The following DCAF1 variants were observed in gnomAD, a reference collection of about 807,000 sequenced individuals.
The protein encoded by DCAF1 is DDB1 and CUL4 associated factor 1.
In DCAF1, 15 loss-of-function variants were observed where a neutral mutation model predicts 128.0. The ratio of observed to expected loss-of-function variants is 0.12; its 90% confidence interval spans 0.08 to 0.18. The LOEUF (loss-of-function observed/expected upper bound fraction) is 0.18, where lower values mean the gene tolerates loss of function less well. DCAF1 is among the 10% of genes least tolerant of loss of function. DCAF1 has a pLI of 1.00. For synonymous variants in DCAF1, 610 were observed against 603.0 expected (o/e 1.01, Z -0.17); for missense variants, 988 against 1,649.5 (o/e 0.60, Z 6.95).
chr3:51,453,823 C>T (rs1442102601), intron 6 of DCAF1, among the ~76,000 whole-genome samples: 4 of 151,822 alleles, frequency 2.6e-5, no homozygotes, highest in African/African-American at 7.3e-5. Context: ...CGTGGTGGCA[C>T]GCACCTGTAA....
chr3:51,416,738 G>T, intron 18 of DCAF1, 49 bp downstream of exon 18: 2 of 1,567,606 alleles, frequency 1.3e-6, no homozygotes, highest in South Asian at 2.3e-5. Flanking sequence ...ATTTCAGTAT[G>T]AACAAATGGG....
intron 17 of DCAF1, 99 bp downstream of exon 17, chr3:51,418,017 T>A: frequency 6.9e-7 from 1 of 1,451,616 alleles, no homozygotes; most frequent in South Asian, 1.4e-5. Context: ...ACCGACAGCA[T>A]CCTCTTTCCC....
At chr3:51,399,865 A>G (rs4687731) in intron 24 of DCAF1, among the ~76,000 whole-genome samples, 10,325 of 152,172 alleles carry the variant, frequency 0.068, 916 homozygotes, top group East Asian at 0.33. Flanking sequence ...CAAATGCCCC[A>G]TGTGGTAAGG....
chr3:51,474,231 C>A (rs1029533114), intron 3 of DCAF1, among the ~76,000 whole-genome samples: 8 of 152,004 alleles, frequency 5.3e-5, no homozygotes, highest in Non-Finnish European at 1.2e-4. Flanking sequence ...TCAGCCTGAC[C>A]AACATGGAGA....
intron 2 of DCAF1, among the ~76,000 whole-genome samples, chr3:51,484,677 T>TTTTTC (rs1553654456): frequency 2.0e-5 from 3 of 148,610 alleles, no homozygotes; most frequent in African/African-American, 7.4e-5. Context: ...CCTGTTTAAT[T>TTTTTC]TTTTCTTTTT....
At chr3:51,439,773 C>G (rs1202581473) in intron 9 of DCAF1, among the ~76,000 whole-genome samples, 2 of 152,108 alleles carry the variant, frequency 1.3e-5, no homozygotes, top group African/African-American at 4.8e-5. Context: ...GAGTGGTTCA[C>G]TTGAGGTCAG....
intron 6 of DCAF1, 98 bp from the exon 7 acceptor site, chr3:51,444,001 T>G (rs1392825416): frequency 1.7e-6 from 2 of 1,202,658 alleles, no homozygotes; most frequent in Non-Finnish European, 2.3e-6. Flanking sequence ...AATTTTAATA[T>G]TTCAATGTTC....
At chr3:51,457,743 A>G (rs1703079217) in intron 6 of DCAF1, among the ~76,000 whole-genome samples, 1 of 152,220 alleles carries the variant, frequency 6.6e-6, no homozygotes, top group Non-Finnish European at 1.5e-5. Flanking sequence ...GCCAGAAGAG[A>G]GTGGGAACCA....
intron 2 of DCAF1, among the ~76,000 whole-genome samples, chr3:51,488,837 C>T (rs868961307): frequency 4.6e-5 from 7 of 151,632 alleles, no homozygotes; most frequent in African/African-American, 1.2e-4. Context: ...TGGTGGTGTG[C>T]GCCTGTAATC....
At chr3:51,405,268 A>G (rs1553626252) in intron 23 of DCAF1, among the ~76,000 whole-genome samples, 1 of 152,178 alleles carries the variant, frequency 6.6e-6, no homozygotes. Context: ...CATGAAGACA[A>G]TTCTCTTTCA....
chr3:51,396,557 G>GTGT (rs2089219343), downstream of DCAF1: 1 of 167,076 alleles, frequency 6.0e-6, no homozygotes, highest in Admixed American at 6.5e-5. Flanking sequence ...CCTGTCTAAG[G>GTGT]TGTTGCTTAA....
chr3:51,475,110 T>A (rs1183515555), intron 3 of DCAF1, among the ~76,000 whole-genome samples: 1 of 151,978 alleles, frequency 6.6e-6, no homozygotes, highest in Non-Finnish European at 1.5e-5. Context: ...TTAAATTTTT[T>A]ATATAGATAG....
chr3:51,432,647 C>A (rs936052060), intron 10 of DCAF1, among the ~76,000 whole-genome samples: 1 of 151,986 alleles, frequency 6.6e-6, no homozygotes, highest in African/African-American at 2.4e-5. Flanking sequence ...TTAGTAGAGA[C>A]GGGGTTACAC....
downstream of DCAF1, chr3:51,397,359 G>A (rs561150599): frequency 4.2e-5 from 7 of 167,118 alleles, no homozygotes; most frequent in Non-Finnish European, 2.9e-5. Context: ...TTCTACAAAC[G>A]CAGACAAGCT....
chr3:51,456,886 G>A (rs1208628736), intron 6 of DCAF1, among the ~76,000 whole-genome samples: 1 of 152,160 alleles, frequency 6.6e-6, no homozygotes, highest in Non-Finnish European at 1.5e-5. Context: ...CAAACAGAAA[G>A]GACATCCACA....
At chr3:51,435,459 T>C (rs1458780031) in intron 9 of DCAF1, among the ~76,000 whole-genome samples, 1 of 152,346 alleles carries the variant, frequency 6.6e-6, no homozygotes, top group South Asian at 2.1e-4. Context: ...TTTCTGAAAG[T>C]TGAAAGGCAA....
At chr3:51,443,945 C>A in intron 6 of DCAF1, 42 bp from the exon 7 acceptor site, 1 of 1,528,130 alleles carries the variant, frequency 6.5e-7, no homozygotes, top group South Asian at 1.3e-5. Flanking sequence ...GGAAAAAGCC[C>A]AAGTTCATGA....
chr3:51,471,125 C>A (rs1704688490), intron 3 of DCAF1, 120 bp from the exon 4 acceptor site: 1 of 530,652 alleles, frequency 1.9e-6, no homozygotes, highest in Admixed American at 3.1e-5. Flanking sequence ...AAGACTATTT[C>A]TTCTGATGTA....
intron 2 of DCAF1, among the ~76,000 whole-genome samples, chr3:51,489,374 A>C (rs2108499924): frequency 6.6e-6 from 1 of 152,234 alleles, no homozygotes; most frequent in South Asian, 2.1e-4. Context: ...CAGACGTTGC[A>C]ATGAGCCACA....
Sources: gnomAD v4.1 joint callset for allele counts (sites outside exome capture counted in the v4.1 genomes callset) on GRCh38, gnomAD v4.1.1 for gene constraint, MANE v1.5 for transcripts, NCBI Gene and HGNC (gene_info 2026-07-23, HGNC 2026-07-21) for gene names.